Variants in SGO2 observed in about 807,000 individuals in gnomAD.
SGO2 encodes shugoshin 2.
In SGO2, 68 loss-of-function variants were observed where a neutral mutation model predicts 99.5. That is an observed-to-expected ratio of 0.68 (90% confidence interval 0.56 to 0.84). The LOEUF (loss-of-function observed/expected upper bound fraction) is 0.84, where lower values mean the gene tolerates loss of function less well. Among genes scored for constraint, SGO2 ranks in the 40% least tolerant of loss-of-function variants. The probability of loss-of-function intolerance (pLI) is 0.00; values close to 1 mark genes in which losing one functional copy is unlikely to be tolerated. For synonymous variants in SGO2, 457 were observed against 487.1 expected (o/e 0.94, Z 0.81); for missense variants, 1,350 against 1,436.7 (o/e 0.94, Z 0.97).
At chr2:200,575,554 C>T in intron 8 of SGO2, 93 bp downstream of exon 8, 1 of 878,092 alleles carries the variant, frequency 1.1e-6, no homozygotes, top group Admixed American at 2.5e-5. Context: ...TCTGATAATT[C>T]AATAAAATGT....
chr2:200,542,763 T>A, intron 5 of SGO2, 99 bp downstream of exon 5: 1 of 978,280 alleles, frequency 1.0e-6, no homozygotes, highest in Admixed American at 2.4e-5. Context: ...ATCATCAACC[T>A]GTAGTTATCT....
intron 4 of SGO2, among the ~76,000 whole-genome samples, chr2:200,540,489 C>A (rs939046739): frequency 6.6e-6 from 1 of 152,160 alleles, no homozygotes; most frequent in African/African-American, 2.4e-5. Flanking sequence ...AGGCTGACAC[C>A]ACTATGGCTG....
intron 5 of SGO2, among the ~76,000 whole-genome samples, chr2:200,569,173 A>AT (rs1378059272): frequency 6.6e-6 from 1 of 152,020 alleles, no homozygotes; most frequent in African/African-American, 2.4e-5. Flanking sequence ...TTTTCTTCCC[A>AT]TAGATTTAAT....
intron 1 of SGO2, chr2:200,532,474 C>T: frequency 1.0e-6 from 1 of 962,324 alleles, no homozygotes; most frequent in Non-Finnish European, 1.2e-6. Context: ...GTAGCCATTA[C>T]TCTTGTAATA....
At chr2:200,540,545 A>G (rs760609984) in intron 4 of SGO2, among the ~76,000 whole-genome samples, 1 of 152,196 alleles carries the variant, frequency 6.6e-6, no homozygotes, top group Non-Finnish European at 1.5e-5. Flanking sequence ...CTCTGCTGAC[A>G]TGAGGATGAG....
At chr2:200,551,000 A>G (rs924160279) in intron 5 of SGO2, among the ~76,000 whole-genome samples, 2 of 151,892 alleles carry the variant, frequency 1.3e-5, no homozygotes, top group African/African-American at 4.8e-5. Context: ...GCAAAAAAAA[A>G]AAAGAAAAAA....
At chr2:200,556,152 A>G (rs2032705482) in intron 5 of SGO2, among the ~76,000 whole-genome samples, 1 of 152,018 alleles carries the variant, frequency 6.6e-6, no homozygotes, top group South Asian at 2.1e-4. Context: ...TTTAGTAGAG[A>G]TGGGGTTTCA....
chr2:200,544,692 GATCTATCTATCT>G (rs71022322), intron 5 of SGO2, among the ~76,000 whole-genome samples: 56 of 145,756 alleles, frequency 3.8e-4, no homozygotes, highest in Middle Eastern at 3.5e-3. Context: ...TTACTTGGGA[GATCTATCTATCT>G]ATCTATCTAT....
At chr2:200,532,191 T>C (rs909683519) in intron 1 of SGO2, 1 of 155,646 alleles carries the variant, frequency 6.4e-6, no homozygotes, top group African/African-American at 2.4e-5. Context: ...CATAGTGAGC[T>C]GAGTCCTGTG....
At chr2:200,580,262 T>C (rs2033798300) in intron 8 of SGO2, among the ~76,000 whole-genome samples, 1 of 152,158 alleles carries the variant, frequency 6.6e-6, no homozygotes, top group African/African-American at 2.4e-5. Context: ...TAATTTTAAA[T>C]CTTTTTTCCC....
At position 200,557,085 on chromosome 2, in the gene SGO2, C is replaced by T. The variant is rs573832802; in HGVS notation, c.474-12578C>T. Among the ~76,000 whole-genome samples the T allele has an allele frequency of 7.6e-4, 115 of 152,312 alleles. 1 individual carries two copies. Among genetic ancestry groups the T allele is most frequent in the African/African-American group, 2.6e-3 (106 of 41,560 alleles). ...CCCATGAACATGTATGTGCCTAATC[C>T]TGTCACCCACAGCCATCTGCAAACA... On this transcript the variant is annotated intron_variant, in intron 5 of 8. Coordinates refer to ENST00000357799, the MANE Select transcript of SGO2 (RefSeq NM_152524.6).
At chr2:200,548,647 A>G (rs547662166) in intron 5 of SGO2, among the ~76,000 whole-genome samples, 103 of 152,308 alleles carry the variant, frequency 6.8e-4, no homozygotes, top group African/African-American at 2.4e-3. Flanking sequence ...CTAAAAAAGT[A>G]TAGAAGATAA....
chr2:200,527,836 A>G (rs1464077446), intron 1 of SGO2, among the ~76,000 whole-genome samples: 1 of 152,266 alleles, frequency 6.6e-6, no homozygotes, highest in Admixed American at 6.5e-5. Flanking sequence ...ATTTTATCTT[A>G]GACATTGATA....
At position 200,573,250 on chromosome 2, in the gene SGO2, TGAAAA is replaced by T; in HGVS notation, c.2906_2910del (p.Glu969GlyfsTer4). 1 of 1,593,368 alleles carries T rather than the reference TGAAAA, an allele frequency of 6.3e-7. No individual in the cohort carries two copies. The highest frequency in any genetic ancestry group is 8.5e-7 in the Non-Finnish European group (1 of 1,174,400). ...AACACTATATGGAAGTCAACAGTAA[TGAAAA>T]GGAAAGTTGTGATCAAATTTTAGAT... On this transcript the variant is annotated frameshift_variant, in exon 7 of 9. Coordinates refer to ENST00000357799, the MANE Select transcript of SGO2 (RefSeq NM_152524.6). LOFTEE classifies it high-confidence loss of function.
At chr2:200,527,957 G>A (rs928120472) in intron 1 of SGO2, among the ~76,000 whole-genome samples, 2 of 152,164 alleles carry the variant, frequency 1.3e-5, no homozygotes, top group Admixed American at 6.5e-5. Flanking sequence ...GCAAATGCTC[G>A]AAGGAAGTGA....
chr2:200,568,416 T>G (rs1399974964), intron 5 of SGO2, among the ~76,000 whole-genome samples: 2 of 152,232 alleles, frequency 1.3e-5, no homozygotes, highest in Non-Finnish European at 2.9e-5. Flanking sequence ...TTTTGATGTT[T>G]CAATTTTAAT....
At position 200,571,700 on chromosome 2, in the gene SGO2, T is replaced by G. The variant is rs1466364697; in HGVS notation, c.1354T>G (p.Phe452Val). 1.4e-5 allele frequency: 23 copies of G among 1,613,638 alleles called. No individual in the cohort carries two copies. Among genetic ancestry groups the G allele is most frequent in the Non-Finnish European group, 1.7e-5 (20 of 1,179,732 alleles). Residue 452 changes from phenylalanine (F) to valine (V), a missense_variant, in exon 7 of 9, where the codon TTC becomes GTC. Transcript: ENST00000357799. ...GGGTGCAGAAGATCCCGGTTTTATT[T>G]TCAATAATGAACAGCTGGCTCAGAT... ...KRGAEDPGFI[F>V]NNEQLAQMNE... is the part of the protein sequence containing the mutation.
chr2:200,576,076 C>G, intron 8 of SGO2: 1 of 402,614 alleles, frequency 2.5e-6, no homozygotes, highest in South Asian at 1.8e-5. Context: ...ACTTAAAGTT[C>G]TTAGCAAAAC....
rs1472393706 is a variant in SGO2 at position 200,570,663 on chromosome 2, A to T, written c.704-387A>T. Among the ~76,000 whole-genome samples the T allele has an allele frequency of 6.6e-6, 1 of 151,532 alleles. No individual in the cohort carries two copies. Among genetic ancestry groups the T allele is most frequent in the Non-Finnish European group, 1.5e-5 (1 of 67,816 alleles). On this transcript the variant is annotated intron_variant, in intron 6 of 8. Coordinates refer to ENST00000357799, the MANE Select transcript of SGO2 (RefSeq NM_152524.6). The surrounding 1 kb of genome is among the most constrained non-coding windows in gnomAD (Gnocchi z 4.4). ...TAATATATGTATATATAATTTATAT[A>T]AATTTTAGCTGCCTGTTGATAGTCT...
Sources: gnomAD v4.1 joint callset for allele counts (sites outside exome capture counted in the v4.1 genomes callset) on GRCh38, gnomAD v4.1.1 for gene constraint, Gnocchi (gnomAD v3.1) non-coding constraint, MANE v1.5 for transcripts, NCBI Gene and HGNC (gene_info 2026-07-23, HGNC 2026-07-21) for gene names.